Variants in ATP10D observed in about 807,000 individuals in gnomAD.
The protein encoded by ATP10D is ATPase phospholipid transporting 10D (putative), also known as phospholipid-transporting ATPase VD.
ATP10D carries 89 observed loss-of-function variants against 144.8 expected under a neutral mutation model. That is an observed-to-expected ratio of 0.61 (90% CI 0.52 to 0.73). ATP10D has a LOEUF of 0.73. Among genes scored for constraint, ATP10D ranks in the 30% least tolerant of loss-of-function variants. ATP10D has a pLI of 0.00. For synonymous variants in ATP10D, 571 were observed against 615.1 expected (o/e 0.93, Z 1.06); for missense variants, 1,603 against 1,714.8 (o/e 0.93, Z 1.15).
At chr4:47,561,431 G>A (rs10938494) in intron 14 of ATP10D, among the ~76,000 whole-genome samples, 32,954 of 152,102 alleles carry the variant, frequency 0.22, 3,650 homozygotes, top group East Asian at 0.29. Context: ...CTTAATACGT[G>A]TTATCTTTTT....
intron 10 of ATP10D, 69 bp downstream of exon 10, chr4:47,546,931 A>G: frequency 1.4e-6 from 2 of 1,440,406 alleles, no homozygotes; most frequent in Non-Finnish European, 1.9e-6. Flanking sequence ...CCTTGTAATT[A>G]TGATAGAGTC....
At chr4:47,579,786 G>T (rs1413474697) in intron 19 of ATP10D, among the ~76,000 whole-genome samples, 1 of 152,254 alleles carries the variant, frequency 6.6e-6, no homozygotes, top group East Asian at 1.9e-4. Flanking sequence ...GGAAGTCATT[G>T]GAGGGAGTGG....
intron 9 of ATP10D, among the ~76,000 whole-genome samples, chr4:47,542,634 C>T (rs1488752269): frequency 2.6e-5 from 4 of 151,920 alleles, no homozygotes; most frequent in African/African-American, 4.8e-5. Context: ...CCCGCCACCA[C>T]ACCCAGCTAA....
intron 14 of ATP10D, among the ~76,000 whole-genome samples, chr4:47,563,339 G>T (rs148836387): frequency 6.6e-6 from 1 of 152,134 alleles, no homozygotes; most frequent in African/African-American, 2.4e-5. Flanking sequence ...AAGAAATCTA[G>T]CCAAAAGGAG....
chr4:47,527,496 A>G (rs1036547862), intron 5 of ATP10D, among the ~76,000 whole-genome samples: 1 of 152,190 alleles, frequency 6.6e-6, no homozygotes, highest in South Asian at 2.1e-4. Context: ...TGTTTTTACA[A>G]TGAAAAGACA....
At chr4:47,494,118 G>A (rs888239628) in intron 1 of ATP10D, among the ~76,000 whole-genome samples, 2 of 152,092 alleles carry the variant, frequency 1.3e-5, no homozygotes, top group African/African-American at 4.8e-5. Flanking sequence ...TGTTGGATAG[G>A]TTTTATGTTA....
intron 1 of ATP10D, among the ~76,000 whole-genome samples, chr4:47,495,552 A>C (rs779472855): frequency 3.9e-5 from 6 of 152,186 alleles, no homozygotes; most frequent in Non-Finnish European, 7.3e-5. Flanking sequence ...AAAATCTGCT[A>C]TTAATAGACT....
chr4:47,515,591 A>G lies in ATP10D; in HGVS notation c.406A>G (p.Ile136Val). 9 of 1,613,310 alleles carry G rather than the reference A, an allele frequency of 5.6e-6. 1 individual carries two copies. The Middle Eastern group carries it at 1.5e-3, about 266-fold the overall frequency. The change falls in exon 3 of 23, where the codon ATT becomes GTT. Residue 136 changes from isoleucine (I) to valine (V), a missense_variant. Transcript: ENST00000273859. Reference sequence around the variant, plus strand: ...GGTGGTGGTCCTTACAATTATCGCAATTAAAGATGGCCTGGAAGATTATCG... The same window carrying G: ...GGTGGTGGTCCTTACAATTATCGCAGTTAAAGATGGCCTGGAAGATTATCG... ...PLVVVLTIIA[I>V]KDGLEDYRKY...
Position 47,591,583 on chromosome 4 carries a change from T to A in ATP10D, c.*202T>A. The A allele has an allele frequency of 2.5e-6, 1 of 401,832 alleles. No individual in the cohort carries two copies. The highest frequency in any genetic ancestry group is 4.4e-6 in the Non-Finnish European group (1 of 229,490). The allele number at this position is 401,832 out of a possible 1,614,324, so 24.9% of individuals were successfully genotyped here. ...GCTAGAGTTTGACCTAGAGAGAGTT[T>A]AAGGAAGTGAAATATTTAATTCAGA... On this transcript the variant is annotated 3_prime_UTR_variant, in exon 23 of 23. Transcript: ENST00000273859.
chr4:47,532,399 A>AT (rs1717614096), intron 5 of ATP10D, among the ~76,000 whole-genome samples: 1 of 151,962 alleles, frequency 6.6e-6, no homozygotes, highest in Admixed American at 6.6e-5. Flanking sequence ...TTGCTGCTTT[A>AT]TTTTCTGACT....
chr4:47,524,748 G>T (rs1379848715), intron 4 of ATP10D, among the ~76,000 whole-genome samples: 1 of 152,120 alleles, frequency 6.6e-6, no homozygotes, highest in African/African-American at 2.4e-5. Flanking sequence ...CTACCTCATG[G>T]AGTTGTGAAG....
chr4:47,517,387 A>G (rs1204580942), intron 3 of ATP10D, among the ~76,000 whole-genome samples: 2 of 152,198 alleles, frequency 1.3e-5, no homozygotes, highest in Non-Finnish European at 2.9e-5. Flanking sequence ...CTACACTCCA[A>G]TCCGGGCAAA....
At chr4:47,590,992 G>C in intron 22 of ATP10D, 50 bp from the exon 23 acceptor site, 3 of 1,095,226 alleles carry the variant, frequency 2.7e-6, no homozygotes, top group Non-Finnish European at 2.5e-6. Context: ...GGGGGGTTCT[G>C]TAATGCATTT....
chr4:47,574,405 T>C (rs1231846547), intron 18 of ATP10D, among the ~76,000 whole-genome samples: 1 of 152,236 alleles, frequency 6.6e-6, no homozygotes, highest in Non-Finnish European at 1.5e-5. Flanking sequence ...TTATGTGCTA[T>C]GCAAAGGTCT....
rs995865598 is a variant in ATP10D, at chr4:47,536,773, A to G, written c.1231A>G (p.Asn411Asp). 2.5e-6 allele frequency: 4 copies of G among 1,613,228 alleles called. No individual in the cohort carries two copies. The highest frequency in any genetic ancestry group is 3.3e-5 in the Admixed American group (2 of 59,788). ...CATTCAAAGTGATGTGGATTTCTAC[A>G]ATGAAAAAATGGATTCTATTGTTCA... ...YFIQSDVDFY[N>D]EKMDSIVQCR... Residue 411 changes from asparagine to aspartate, a missense_variant, in exon 9 of 23, where the codon AAT becomes GAT. Physicochemically the swap from Asn to Asp is conservative, Grantham distance 23. Coordinates refer to ENST00000273859, the MANE Select transcript of ATP10D (RefSeq NM_020453.4).
In ATP10D at chr4:47,540,909, A is replaced by G. The variant is rs149212872; in HGVS notation, c.1396+3971A>G. Reference sequence around the variant, plus strand: ...CTGGGATTTTGTAGAATGTCCATCAATTTGGGCTTGTCCAGAGTATACATT... The same window carrying G: ...CTGGGATTTTGTAGAATGTCCATCAGTTTGGGCTTGTCCAGAGTATACATT... On this transcript the variant is annotated intron_variant, in intron 9 of 22. Coordinates refer to ENST00000273859, the MANE Select transcript of ATP10D (RefSeq NM_020453.4). 6.6e-5 allele frequency among the ~76,000 whole-genome samples: 10 copies of G among 152,268 alleles called. No individual in the cohort carries two copies. The East Asian group carries it at 1.9e-3, about 29-fold the overall frequency.
chr4:47,533,985 T>C (rs1309764124), intron 5 of ATP10D, among the ~76,000 whole-genome samples: 1 of 152,206 alleles, frequency 6.6e-6, no homozygotes, highest in African/African-American at 2.4e-5. Context: ...TACCAAGCTT[T>C]TGTTCAAATA....
chr4:47,561,200 G>A lies in ATP10D; in HGVS notation c.2668+125G>A, dbSNP rs1719278040. 6 of 1,240,334 alleles carry A rather than the reference G, an allele frequency of 4.8e-6. No individual in the cohort carries two copies. In the South Asian group the frequency reaches 5.6e-5, roughly 12 times the overall value. The allele number at this position is 1,240,334 out of a possible 1,614,324, so 76.8% of individuals were successfully genotyped here. ...TATATGGTTCTGCCTACCCTGTCCA[G>A]TCTGATCTCTATCCAACTTCCAATC... On this transcript the variant is annotated intron_variant, in intron 14 of 22. Transcript: ENST00000273859.
intron 19 of ATP10D, among the ~76,000 whole-genome samples, chr4:47,577,917 T>C (rs1325707138): frequency 6.6e-6 from 1 of 152,242 alleles, no homozygotes; most frequent in Non-Finnish European, 1.5e-5. Context: ...CCAGGCATAA[T>C]TGAAATTCCA....
Sources: allele counts gnomAD v4.1 joint callset (sites outside exome capture counted in the v4.1 genomes callset), GRCh38; gene constraint gnomAD v4.1.1; transcripts MANE v1.5; gene names NCBI Gene and HGNC (gene_info 2026-07-23, HGNC 2026-07-21).